The following BBOX1 variants were observed in gnomAD, a reference collection of about 807,000 sequenced individuals.
BBOX1 encodes the protein gamma-butyrobetaine hydroxylase 1.
BBOX1 carries 35 observed loss-of-function variants against 41.6 expected under a neutral mutation model. The ratio of observed to expected loss-of-function variants is 0.84; its 90% CI spans 0.64 to 1.11. The LOEUF (loss-of-function observed/expected upper bound fraction) is 1.11. Ranked by LOEUF, BBOX1 falls within the 50% of genes most tolerant of loss-of-function variation. The pLI, the probability that BBOX1 is intolerant of heterozygous loss-of-function variation, is 0.00. For missense variants in BBOX1, 458 were observed against 460.6 expected, an observed-to-expected ratio of 0.99 and a Z score of 0.05; for synonymous variants, 163 against 154.7, an observed-to-expected ratio of 1.05 and a Z score of -0.40.
intron 4 of BBOX1, among the ~76,000 whole-genome samples, chr11:27,073,467 CT>C: frequency 6.7e-6 from 1 of 149,150 alleles, no homozygotes; most frequent in East Asian, 1.9e-4. Context: ...GTTGGTGGGA[CT>C]GTAAACTAGT....
intron 5 of BBOX1, among the ~76,000 whole-genome samples, chr11:27,109,188 TG>T (rs1214764212): frequency 2.0e-5 from 3 of 151,932 alleles, no homozygotes; most frequent in Admixed American, 2.0e-4. Flanking sequence ...ATCTAATAAA[TG>T]AGATGAATAA....
At chr11:27,119,486 T>G (rs952918949) in intron 6 of BBOX1, among the ~76,000 whole-genome samples, 163 bp from the exon 7 acceptor site, 10 of 152,012 alleles carry the variant, frequency 6.6e-5, no homozygotes, top group African/African-American at 2.4e-4. Flanking sequence ...AAAAAAAAGT[T>G]TATTGGCTTT....
chr11:27,091,518 A>T (rs535223211), intron 4 of BBOX1, among the ~76,000 whole-genome samples: 1 of 152,082 alleles, frequency 6.6e-6, no homozygotes, highest in South Asian at 2.1e-4. Flanking sequence ...TATTGATTTA[A>T]CCAACTTGCT....
rs1222352250 is a variant in BBOX1 at position 27,125,786 on chromosome 11, C to T, written c.969C>T (p.Ser323=). ...AGGAGTTTGTTGACCTCATGAACAG[C>T]AAAGAATCCAAGTTTACCTTCAAGA... is the stretch of plus-strand genomic sequence containing the variant. ...ALKEFVDLMN[S]KESKFTFKMN... is the part of the protein sequence containing the mutation. Residue 323 remains serine (S), a synonymous_variant, in exon 8 of 9, where the codon AGC becomes AGT. Coordinates refer to ENST00000263182, the MANE Select transcript of BBOX1 (RefSeq NM_003986.3). The T allele has an allele frequency of 6.2e-7, 1 of 1,612,150 alleles. No individual in the cohort carries two copies. The highest frequency in any genetic ancestry group is 8.5e-7 in the Non-Finnish European group (1 of 1,179,446).
intron 2 of BBOX1, among the ~76,000 whole-genome samples, chr11:27,043,459 C>CAGAATGTGCAGGTTTGGGGTAGAT (rs1564948369): frequency 1.3e-5 from 2 of 151,304 alleles, no homozygotes; most frequent in African/African-American, 2.4e-5. Context: ...TTGGGGTACA[C>CAGAATGTGCAGGTTTGGGGTAGAT]GTGCAGAATG....
Position 27,048,968 on chromosome 11 carries a change from A to G in BBOX1, c.-38-6425A>G, listed in dbSNP as rs530644148. Among the ~76,000 whole-genome samples the G allele has an allele frequency of 6.3e-5, 9 of 141,904 alleles. 1 individual carries two copies. In the Admixed American group the frequency reaches 6.7e-4, roughly 11 times the overall value. 93.1% of individuals were successfully genotyped at this position (141,904 alleles called of 152,430 possible). ...TGTGTCCATATATTCTCATTGTTAA[A>G]TTCCCACCTATGAGTGAGAATATGC... On this transcript the variant is annotated intron_variant, in intron 2 of 8. Coordinates refer to ENST00000263182, the MANE Select transcript of BBOX1 (RefSeq NM_003986.3).
chr11:27,115,588 G>A, intron 6 of BBOX1, 31 bp downstream of exon 6: 1 of 1,541,998 alleles, frequency 6.5e-7, no homozygotes, highest in Non-Finnish European at 8.9e-7. Flanking sequence ...TTTCCACAAA[G>A]CATGATGATG....
At chr11:27,047,432 C>A (rs1400501057) in intron 2 of BBOX1, 6 of 152,178 alleles carry the variant, frequency 3.9e-5, no homozygotes, top group African/African-American at 1.4e-4. Context: ...GTTGGTGTGA[C>A]ATGGGCACAC....
intron 4 of BBOX1, among the ~76,000 whole-genome samples, chr11:27,082,165 C>G (rs188200881): frequency 1.4e-4 from 21 of 152,232 alleles, no homozygotes; most frequent in Non-Finnish European, 3.1e-4. Flanking sequence ...CACCTCCCAG[C>G]AGGCCCCACC....
At chr11:27,061,072 T>G (rs1364410820) in intron 4 of BBOX1, among the ~76,000 whole-genome samples, 1 of 152,240 alleles carries the variant, frequency 6.6e-6, no homozygotes, top group Non-Finnish European at 1.5e-5. Context: ...TGCTCTAATT[T>G]TATAATCCTA....
chr11:27,080,806 G>A (rs998879315), intron 4 of BBOX1, among the ~76,000 whole-genome samples: 13 of 152,018 alleles, frequency 8.6e-5, no homozygotes, highest in Admixed American at 2.6e-4. Flanking sequence ...AGTCAGATAG[G>A]AACATGTAAG....
At chr11:27,120,881 C>T (rs1311788193) in intron 7 of BBOX1, among the ~76,000 whole-genome samples, 2 of 152,022 alleles carry the variant, frequency 1.3e-5, no homozygotes, top group Non-Finnish European at 2.9e-5. Context: ...TTTCTTGGTA[C>T]TTGGAATACA....
At chr11:27,057,550 TTG>T in intron 4 of BBOX1, 1 of 423,632 alleles carries the variant, frequency 2.4e-6, no homozygotes, top group Non-Finnish European at 4.2e-6. Context: ...TCCAGCAAAC[TTG>T]TGTCTTTGTC....
At chr11:27,093,496 G>A in intron 5 of BBOX1, 130 bp downstream of exon 5, 1 of 1,008,474 alleles carries the variant, frequency 9.9e-7, no homozygotes, top group Non-Finnish European at 1.4e-6. Flanking sequence ...CAGATAAAAA[G>A]AAGAGTCTAA....
rs1054674787 is a variant in BBOX1 at position 27,041,318 on chromosome 11, G to A, written c.-199G>A. On this transcript the variant is annotated 5_prime_UTR_variant, in exon 2 of 9. Coordinates refer to ENST00000263182, the MANE Select transcript of BBOX1 (RefSeq NM_003986.3). ...ATTTACAAACCTCAGCTGTGTCTGG[G>A]GGCAGGGCCACAGTGAAACTGCCAG... 2 of 151,900 alleles carry A rather than the reference G, an allele frequency of 1.3e-5. No homozygotes were observed. The highest frequency in any genetic ancestry group is 2.9e-5 in the Non-Finnish European group (2 of 68,066). 9.4% of individuals were successfully genotyped at this position (151,900 alleles called of 1,614,324 possible).
intron 4 of BBOX1, among the ~76,000 whole-genome samples, chr11:27,079,689 TTA>T (rs1283981633): frequency 1.3e-5 from 2 of 152,050 alleles, no homozygotes; most frequent in Non-Finnish European, 2.9e-5. Context: ...ATTATTGAAG[TTA>T]TTTACTTGAA....
chr11:27,064,710 G>A (rs1596253), intron 4 of BBOX1, among the ~76,000 whole-genome samples: 61,584 of 151,764 alleles, frequency 0.41, 13,035 homozygotes, highest in African/African-American at 0.54. Flanking sequence ...CATAGGTTAG[G>A]AGTTTTTCAA....
At chr11:27,063,424 T>C (rs1857188511) in intron 4 of BBOX1, among the ~76,000 whole-genome samples, 1 of 152,144 alleles carries the variant, frequency 6.6e-6, no homozygotes, top group African/African-American at 2.4e-5. Context: ...ATGATATACA[T>C]ATGAAGCTAA....
At chr11:27,111,761 G>A (rs1464983549) in intron 5 of BBOX1, among the ~76,000 whole-genome samples, 1 of 152,038 alleles carries the variant, frequency 6.6e-6, no homozygotes, top group East Asian at 1.9e-4. Flanking sequence ...TAAATAAAGA[G>A]AAAGAATCAA....
Sources: allele counts gnomAD v4.1 joint callset (sites outside exome capture counted in the v4.1 genomes callset), GRCh38; gene constraint gnomAD v4.1.1; transcripts MANE v1.5; gene names NCBI Gene and HGNC (gene_info 2026-07-23, HGNC 2026-07-21).